The following ABCC3 variants were observed in gnomAD, a reference collection of about 807,000 sequenced individuals.
ABCC3 encodes the protein ATP binding cassette subfamily C member 3.
In ABCC3, 121 loss-of-function variants were observed where a neutral mutation model predicts 165.3. The ratio of observed to expected loss-of-function variants is 0.73; its 90% CI spans 0.63 to 0.85. The LOEUF is 0.85. ABCC3 is among the 40% of genes least tolerant of loss of function. ABCC3 has a pLI of 0.00. For synonymous variants in ABCC3, 733 were observed against 810.1 expected (o/e 0.90, Z 1.62); for missense variants, 1,869 against 1,964.1 (o/e 0.95, Z 0.92).
chr17:50,671,056 C>A (rs544034239), intron 17 of ABCC3, among the ~76,000 whole-genome samples: 1 of 152,080 alleles, frequency 6.6e-6, no homozygotes, highest in South Asian at 2.1e-4. Context: ...GAGTTCAAGG[C>A]CAGCCTTGCT....
rs928652343 is a variant in ABCC3 at position 50,665,180 on chromosome 17, G to A, written c.1366G>A (p.Val456Ile). The A allele has an allele frequency of 6.2e-7, 1 of 1,614,204 alleles. No individual in the cohort carries two copies. The highest frequency in any genetic ancestry group is 8.5e-7 in the Non-Finnish European group (1 of 1,180,036). ...QNLGPSVLAG[V>I]AFMVLLIPLN... ...CCTAGGTCCCTCTGTCCTGGCTGGA[G>A]TCGCTTTCATGGTCTTGCTGATTCC... Residue 456 changes from valine to isoleucine, a missense_variant, in exon 11 of 31, where the codon GTC (valine) becomes ATC (isoleucine). Val to Ile is a conservative substitution (Grantham distance 29, BLOSUM62 3). Coordinates refer to ENST00000285238, the MANE Select transcript of ABCC3 (RefSeq NM_003786.4).
intron 1 of ABCC3, chr17:50,635,539 A>C (rs1273047926): frequency 2.8e-6 from 2 of 702,600 alleles, no homozygotes; most frequent in Non-Finnish European, 5.2e-6. Flanking sequence ...CTGAGGTCTG[A>C]GAGCAGGCCA....
At chr17:50,639,224 A>G (rs1408394154) in intron 1 of ABCC3, among the ~76,000 whole-genome samples, 1 of 152,018 alleles carries the variant, frequency 6.6e-6, no homozygotes, top group Non-Finnish European at 1.5e-5. Context: ...CCTCCATCTC[A>G]GCTGCTGCAA....
At chr17:50,655,556 T>G (rs1303644400) in intron 1 of ABCC3, among the ~76,000 whole-genome samples, 1 of 152,096 alleles carries the variant, frequency 6.6e-6, no homozygotes, top group African/African-American at 2.4e-5. Context: ...ACTCACTGAT[T>G]GTACACTTTA....
At chr17:50,681,251 G>A (rs768252405) in intron 26 of ABCC3, among the ~76,000 whole-genome samples, 16 of 152,042 alleles carry the variant, frequency 1.1e-4, no homozygotes, top group Non-Finnish European at 2.2e-4. Flanking sequence ...CTCAGCCATC[G>A]ACCTTGCCTG....
Position 50,669,125 on chromosome 17 carries a change from G to T in ABCC3, c.1938-15G>T. The T allele has an allele frequency of 6.3e-7, 1 of 1,594,838 alleles. No homozygotes were observed. The highest frequency in any genetic ancestry group is 8.5e-7 in the Non-Finnish European group (1 of 1,172,272). On this transcript the variant is annotated splice_polypyrimidine_tract_variant and intron_variant, in intron 15 of 30. Coordinates refer to ENST00000285238, the MANE Select transcript of ABCC3 (RefSeq NM_003786.4). ...TCCCTGCCTCTAACTGGACTCCTGG[G>T]GTCCTTGCCCCCAGCCTAGACATCC...
At chr17:50,637,792 AG>A (rs2146583149) in intron 1 of ABCC3, among the ~76,000 whole-genome samples, 1 of 152,324 alleles carries the variant, frequency 6.6e-6, no homozygotes, top group South Asian at 2.1e-4. Context: ...CGGAAGAGGG[AG>A]GAGAAAGAAA....
intron 8 of ABCC3, among the ~76,000 whole-genome samples, chr17:50,662,963 G>A (rs576220579): frequency 7.2e-5 from 11 of 152,206 alleles, no homozygotes; most frequent in Admixed American, 1.3e-4. Context: ...GGGCAACAGC[G>A]CAGCAAGTTC....
chr17:50,662,657 A>AGAG (rs1555589787), intron 8 of ABCC3, among the ~76,000 whole-genome samples: 7 of 147,742 alleles, frequency 4.7e-5, no homozygotes, highest in South Asian at 4.3e-4. Flanking sequence ...AAAAAAAAAA[A>AGAG]AGAGAGAGAG....
intron 1 of ABCC3, among the ~76,000 whole-genome samples, chr17:50,645,371 CAAAAAAAAAA>C (rs141598761): frequency 3.6e-4 from 17 of 46,846 alleles, no homozygotes; most frequent in South Asian, 1.1e-3. Flanking sequence ...AAGATTCCAT[CAAAAAAAAAA>C]AAAAAAAAAA....
Position 50,675,447 on chromosome 17 carries a change from C to T in ABCC3, c.2685C>T (p.Val895=). 6.2e-7 allele frequency: 1 copy of T among 1,613,936 alleles called. No homozygotes were observed. The highest frequency in any genetic ancestry group is 8.5e-7 in the Non-Finnish European group (1 of 1,179,924). ...NHTDLTDNDP[V]TYVVQKQFMR... The stretch of plus-strand genomic sequence containing the variant: ...CGGATCTGACAGACAATGATCCAGT[C>T]ACCTATGTGGTCCAGAAGCAGTTTA... Residue 895 remains valine (V), a synonymous_variant, in exon 20 of 31, where the codon GTC becomes GTT. Coordinates refer to ENST00000285238, the MANE Select transcript of ABCC3 (RefSeq NM_003786.4).
Position 50,656,002 on chromosome 17 carries a change from C to T in ABCC3, c.216C>T (p.Leu72=). Residue 72 remains leucine (L), a synonymous_variant, in exon 2 of 31, where the codon CTC becomes CTT. Transcript: ENST00000285238. ...GYIILSHLSK[L]KMVLGVLLWC... is the part of the protein sequence containing the mutation. ...TCATCCTCTCCCACCTGTCCAAGCTCAAGATGGTCAGTGGCTCAGGGATCT... is the reference window on the plus strand; with the variant it reads ...TCATCCTCTCCCACCTGTCCAAGCTTAAGATGGTCAGTGGCTCAGGGATCT... 1 of 1,613,686 alleles carries T rather than the reference C, an allele frequency of 6.2e-7. No individual in the cohort carries two copies. The highest frequency in any genetic ancestry group is 8.5e-7 in the Non-Finnish European group (1 of 1,179,748).
Position 50,672,952 on chromosome 17 carries a change from A to AC in ABCC3, c.2242-13dup, listed in dbSNP as rs35899561. 23 of 1,603,460 alleles carry AC rather than the reference A, an allele frequency of 1.4e-5. No individual in the cohort carries two copies. In the East Asian group the frequency reaches 2.7e-4, roughly 19 times the overall value. ...GTGCCTGTCTGACCCCATTTTTCCC[A>AC]CCCCCCGCCTCCCTCCAGGGCATTA... On this transcript the variant is annotated intron_variant, in intron 17 of 30. Coordinates refer to ENST00000285238, the MANE Select transcript of ABCC3 (RefSeq NM_003786.4).
intron 1 of ABCC3, among the ~76,000 whole-genome samples, chr17:50,644,659 C>T (rs1966964080): frequency 6.6e-6 from 1 of 152,138 alleles, no homozygotes; most frequent in Non-Finnish European, 1.5e-5. Context: ...TTGCAGAGAG[C>T]TGAGATCGTG....
intron 1 of ABCC3, among the ~76,000 whole-genome samples, chr17:50,639,643 C>T (rs1432926586): frequency 6.6e-6 from 1 of 152,138 alleles, no homozygotes; most frequent in East Asian, 1.9e-4. Flanking sequence ...TGGCTGGGCC[C>T]CTCCCCTTCC....
At position 50,660,928 on chromosome 17, in the gene ABCC3, A is replaced by G; in HGVS notation, c.812A>G (p.Lys271Arg). 1.3e-6 allele frequency: 2 copies of G among 1,597,164 alleles called. No individual in the cohort carries two copies. The highest frequency in any genetic ancestry group is 1.7e-6 in the Non-Finnish European group (2 of 1,172,252). ...RKQEKQTARH[K>R]ASAAPGKNAS... ...CTCCTTCCTCCCTGGACCAGACACA[A>G]GGCTTCAGCAGCACCTGGGAAAAAT... The change falls in exon 8 of 31, where the codon AAG becomes AGG. Residue 271 changes from lysine (K) to arginine (R), a missense_variant. Transcript: ENST00000285238.
chr17:50,642,713 C>T lies in ABCC3; in HGVS notation c.45+7732C>T, dbSNP rs189153220. On this transcript the variant is annotated intron_variant, in intron 1 of 30. Coordinates refer to ENST00000285238, the MANE Select transcript of ABCC3 (RefSeq NM_003786.4). The stretch of plus-strand genomic sequence containing the variant: ...GTGGCAGAAGCCATCCTGGATTCTC[C>T]GCATCGGGGTTGGGTTCTTCCTGTG... Among the ~76,000 whole-genome samples, 48 of 152,318 alleles carry T rather than the reference C, an allele frequency of 3.2e-4. No individual in the cohort carries two copies. The East Asian group carries it at 7.5e-3, about 24-fold the overall frequency.
At chr17:50,660,802 T>A in intron 7 of ABCC3, 121 bp from the exon 8 acceptor site, 3 of 722,930 alleles carry the variant, frequency 4.1e-6, no homozygotes, top group Non-Finnish European at 4.4e-6. Context: ...CCCTCCCAGC[T>A]CTGAGAGCCA....
chr17:50,666,547 C>G (rs184739996), intron 11 of ABCC3, among the ~76,000 whole-genome samples: 1 of 152,308 alleles, frequency 6.6e-6, no homozygotes, highest in African/African-American at 2.4e-5. Flanking sequence ...CCTGCCATCA[C>G]CTCATTACTT....
Sources: gnomAD v4.1 joint callset for allele counts (sites outside exome capture counted in the v4.1 genomes callset) on GRCh38, gnomAD v4.1.1 for gene constraint, MANE v1.5 for transcripts, NCBI Gene and HGNC (gene_info 2026-07-23, HGNC 2026-07-21) for gene names.